ADCY2: variants seen among roughly 807,000 people sequenced by gnomAD.
ADCY2 encodes the protein adenylate cyclase 2.
A neutral mutation model predicts 125.2 loss-of-function variants in ADCY2; 31 were observed. The observed-to-expected ratio is 0.25, with a 90% confidence interval of 0.19 to 0.33. ADCY2 has a LOEUF of 0.33. ADCY2 is among the 10% of genes least tolerant of loss of function. The pLI is 1.00. For synonymous variants in ADCY2, 512 were observed against 548.4 expected, an observed-to-expected ratio of 0.93 and a Z score of 0.93; for missense variants, 904 against 1,418.2, an observed-to-expected ratio of 0.64 and a Z score of 5.82.
intron 3 of ADCY2, among the ~76,000 whole-genome samples, chr5:7,526,956 C>T (rs557146678): frequency 2.4e-5 from 1 of 41,290 alleles, no homozygotes. Context: ...ACCAAAAGCC[C>T]TTAGTAAATT....
chr5:7,718,378 G>T (rs1741663247), intron 12 of ADCY2, among the ~76,000 whole-genome samples: 1 of 152,024 alleles, frequency 6.6e-6, no homozygotes, highest in Non-Finnish European at 1.5e-5. Flanking sequence ...TCGATCTCTT[G>T]ACCTCATGAT....
intron 3 of ADCY2, among the ~76,000 whole-genome samples, chr5:7,603,810 CTTTTG>C (rs1737309853): frequency 8.3e-5 from 5 of 60,404 alleles, no homozygotes; most frequent in Non-Finnish European, 1.7e-4. Context: ...TTTTTTTTTT[CTTTTG>C]TTTTTTTTTT....
chr5:7,778,136 T>C (rs1175389446), intron 18 of ADCY2, among the ~76,000 whole-genome samples: 1 of 152,206 alleles, frequency 6.6e-6, no homozygotes, highest in African/African-American at 2.4e-5. Flanking sequence ...CTCTTCAAGG[T>C]GATGGTGATG....
At chr5:7,629,592 C>T (rs2126661743) in intron 4 of ADCY2, among the ~76,000 whole-genome samples, 1 of 152,274 alleles carries the variant, frequency 6.6e-6, no homozygotes, top group East Asian at 1.9e-4. Context: ...CAATAAAAAT[C>T]ATGACTTTTT....
At chr5:7,408,102 C>T (rs977989534) in intron 1 of ADCY2, among the ~76,000 whole-genome samples, 1 of 151,482 alleles carries the variant, frequency 6.6e-6, no homozygotes, top group Non-Finnish European at 1.5e-5. Context: ...GATCTCCTGA[C>T]CTCGTGATCT....
At chr5:7,704,198 G>C (rs193074640) in intron 7 of ADCY2, among the ~76,000 whole-genome samples, 1 of 152,034 alleles carries the variant, frequency 6.6e-6, no homozygotes, top group Non-Finnish European at 1.5e-5. Context: ...TTAAGCTGGT[G>C]AGGGGAACGT....
chr5:7,396,643 C>CGGCAGCCCCTCGGCCCGT lies in ADCY2; in HGVS notation c.210+140_210+141insAGCCCCTCGGCCCGTGGC, dbSNP rs1228776196. 5.4e-5 allele frequency: 26 copies of CGGCAGCCCCTCGGCCCGT among 477,106 alleles called. No individual in the cohort carries two copies. Among genetic ancestry groups the CGGCAGCCCCTCGGCCCGT allele is most frequent in the African/African-American group, 5.3e-4 (25 of 47,370 alleles). 29.6% of individuals were successfully genotyped at this position (477,106 alleles called of 1,614,324 possible). A position where few individuals can be genotyped will look rare whatever the true frequency, so the allele number is the denominator to read the frequency against. ...CGGCCCGCGGCAGCCCCTCGGCCCG[C>CGGCAGCCCCTCGGCCCGT]GGCTCCCTGCTTCTCCTGCTGGCCC... On this transcript the variant is annotated intron_variant, in intron 1 of 24. Coordinates refer to ENST00000338316, the MANE Select transcript of ADCY2 (RefSeq NM_020546.3). The surrounding 1 kb of genome is among the most constrained non-coding windows in gnomAD (Gnocchi z 5.7).
chr5:7,804,040 AAGAGAGAGAGAGAGAGAG>A (rs57193249), intron 21 of ADCY2, among the ~76,000 whole-genome samples: 6 of 106,586 alleles, frequency 5.6e-5, no homozygotes, highest in African/African-American at 2.2e-4. Flanking sequence ...GGAGGGGGGA[AAGAGAGAGAGAGAGAGAG>A]AGAGAGAGAG....
At chr5:7,724,716 C>T in intron 13 of ADCY2, 102 bp downstream of exon 13, 1 of 811,140 alleles carries the variant, frequency 1.2e-6, no homozygotes, top group East Asian at 2.6e-5. Flanking sequence ...TTTAAACTGC[C>T]TCTGACTATA....
At chr5:7,698,197 C>A in intron 6 of ADCY2, 50 bp from the exon 7 acceptor site, 1 of 1,608,544 alleles carries the variant, frequency 6.2e-7, no homozygotes, top group Non-Finnish European at 8.5e-7. Flanking sequence ...GAATCTAGAT[C>A]ATTCTGCAAG....
chr5:7,758,637 G>A (rs892729262), intron 16 of ADCY2, among the ~76,000 whole-genome samples: 42 of 152,338 alleles, frequency 2.8e-4, no homozygotes, highest in African/African-American at 8.9e-4. Flanking sequence ...CCTTCCAGGA[G>A]TAGGAGTAGG....
At chr5:7,775,060 G>A (rs1435921029) in intron 18 of ADCY2, among the ~76,000 whole-genome samples, 2 of 151,870 alleles carry the variant, frequency 1.3e-5, no homozygotes. Flanking sequence ...AGGCTGGAGT[G>A]CAGTGGCACA....
chr5:7,761,049 A>T (rs759251949), intron 16 of ADCY2, among the ~76,000 whole-genome samples: 1 of 151,580 alleles, frequency 6.6e-6, no homozygotes. Flanking sequence ...CTGCATATCC[A>T]TCTATGTTGT....
intron 15 of ADCY2, among the ~76,000 whole-genome samples, chr5:7,745,316 C>A (rs1264490337): frequency 1.3e-5 from 2 of 152,162 alleles, no homozygotes; most frequent in Non-Finnish European, 2.9e-5. Context: ...GTCCTCTGTG[C>A]CTTATACCTT....
intron 3 of ADCY2, among the ~76,000 whole-genome samples, chr5:7,548,071 C>T (rs933433808): frequency 3.3e-5 from 5 of 152,240 alleles, no homozygotes; most frequent in African/African-American, 4.8e-5. Context: ...TCCATTGACA[C>T]CTGCCCATTT....
chr5:7,491,283 G>C (rs574499974), intron 2 of ADCY2, among the ~76,000 whole-genome samples: 1 of 150,032 alleles, frequency 6.7e-6, no homozygotes, highest in African/African-American at 2.5e-5. Flanking sequence ...ACACAGTCTT[G>C]CTCTGTTGCC....
intron 16 of ADCY2, among the ~76,000 whole-genome samples, chr5:7,763,316 C>T (rs1040111932): frequency 6.6e-6 from 1 of 152,074 alleles, no homozygotes; most frequent in Admixed American, 6.5e-5. Context: ...TGGTCTCGAT[C>T]TCCTGACCTC....
chr5:7,617,158 C>T (rs1156955472), intron 3 of ADCY2, among the ~76,000 whole-genome samples: 1 of 152,080 alleles, frequency 6.6e-6, no homozygotes, highest in Non-Finnish European at 1.5e-5. Context: ...CAAAGCATTC[C>T]TCCCCTGCAG....
chr5:7,763,272 T>C (rs572611792), intron 16 of ADCY2, among the ~76,000 whole-genome samples: 1 of 151,620 alleles, frequency 6.6e-6, no homozygotes, highest in Admixed American at 6.6e-5. Flanking sequence ...TTGTATTTTT[T>C]AGTAGAGACG....
Sources: allele counts gnomAD v4.1 joint callset (sites outside exome capture counted in the v4.1 genomes callset), GRCh38; gene constraint gnomAD v4.1.1; non-coding constraint Gnocchi (gnomAD v3.1); transcripts MANE v1.5; gene names NCBI Gene and HGNC (gene_info 2026-07-23, HGNC 2026-07-21).